ANGPTL1: variants seen among roughly 807,000 people sequenced by gnomAD.
ANGPTL1 encodes angiopoietin like 1.
Under a neutral mutation model 46.7 loss-of-function variants are expected in ANGPTL1, and 36 were observed. The observed-to-expected ratio is 0.77, with a 90% CI of 0.59 to 1.02. ANGPTL1 has a LOEUF of 1.02. Among genes scored for constraint, ANGPTL1 ranks in the 50% least tolerant of loss-of-function variants. ANGPTL1 has a pLI of 0.00. For missense variants in ANGPTL1, 571 were observed against 594.7 expected (o/e 0.96, Z 0.41); for synonymous variants, 221 against 204.3 (o/e 1.08, Z -0.69).
At position 178,851,240 on chromosome 1, in the gene ANGPTL1, G is replaced by A; in HGVS notation, c.1365C>T (p.Tyr455=). ...CAHSNLNGVW[Y]RGGHYRSKHQ... ...GCTTGCTTCTGTAATGGCCTCCTCT[G>A]TACCATACTCCATTTAGGTTAGAAT... The change falls in exon 6 of 6, where the codon TAC becomes TAT. Residue 455 remains tyrosine, a synonymous_variant. Coordinates refer to ENST00000234816, the MANE Select transcript of ANGPTL1 (RefSeq NM_004673.4). 4 of 1,613,912 alleles carry A rather than the reference G, an allele frequency of 2.5e-6. No individual in the cohort carries two copies. The highest frequency in any genetic ancestry group is 3.4e-6 in the Non-Finnish European group (4 of 1,179,904).
At chr1:178,852,281 A>G (rs1657222622) in intron 5 of ANGPTL1, among the ~76,000 whole-genome samples, 1 of 152,056 alleles carries the variant, frequency 6.6e-6, no homozygotes, top group African/African-American at 2.4e-5. Context: ...TTCCCACCTA[A>G]CAAATTGTTT....
In ANGPTL1 at chr1:178,851,149, T is replaced by C; in HGVS notation, c.1456A>G (p.Met486Val). Residue 486 changes from methionine to valine, a missense_variant, in exon 6 of 6, where the codon ATG (methionine) becomes GTG (valine). Coordinates refer to ENST00000234816, the MANE Select transcript of ANGPTL1 (RefSeq NM_004673.4). Reference protein sequence around the residue: ...GSYSLRAVQMMIKPID With the variant: ...GSYSLRAVQMVIKPID ...TCTCTTCAGTCAATAGGCTTGATCA[T>C]CATCTGAACTGCTCTTAAGGAGTAT... is the stretch of plus-strand genomic sequence containing the variant. 6.2e-7 allele frequency: 1 copy of C among 1,613,308 alleles called. No homozygotes were observed. Among genetic ancestry groups the C allele is most frequent in the Non-Finnish European group, 8.5e-7 (1 of 1,179,672 alleles).
chr1:178,850,992 A>T lies in ANGPTL1; in HGVS notation c.*137T>A. 1 of 774,082 alleles carries T rather than the reference A, an allele frequency of 1.3e-6. No homozygotes were observed. Among genetic ancestry groups the T allele is most frequent in the Non-Finnish European group, 1.9e-6 (1 of 532,570 alleles). 48.0% of individuals were successfully genotyped at this position (774,082 alleles called of 1,614,324 possible). ...AAACTACATTTATAGGTTCCCTTTTATAGTTACGGTAAAATTCATTTTAAA... is the reference window on the plus strand; with the variant it reads ...AAACTACATTTATAGGTTCCCTTTTTTAGTTACGGTAAAATTCATTTTAAA... On this transcript the variant is annotated 3_prime_UTR_variant, in exon 6 of 6. Transcript: ENST00000234816.
chr1:178,864,055 G>A (rs1658215829), intron 3 of ANGPTL1, among the ~76,000 whole-genome samples: 1 of 152,118 alleles, frequency 6.6e-6, no homozygotes, highest in South Asian at 2.1e-4. Context: ...AGCTTGTAAA[G>A]GATTCTGGGG....
At chr1:178,864,389 G>A (rs1192700273) in intron 3 of ANGPTL1, among the ~76,000 whole-genome samples, 2 of 152,070 alleles carry the variant, frequency 1.3e-5, no homozygotes, top group Non-Finnish European at 2.9e-5. Context: ...AAGAAGGCAT[G>A]GCTTTTGTAC....
intron 3 of ANGPTL1, among the ~76,000 whole-genome samples, chr1:178,859,832 C>G (rs1480665659): frequency 8.7e-5 from 8 of 91,750 alleles, no homozygotes; most frequent in East Asian, 3.4e-4. Flanking sequence ...CCCCCCCCCC[C>G]CAACCGCCCA....
At chr1:178,862,468 ATAATT>A (rs1658094227) in intron 3 of ANGPTL1, among the ~76,000 whole-genome samples, 1 of 152,180 alleles carries the variant, frequency 6.6e-6, no homozygotes, top group Non-Finnish European at 1.5e-5. Context: ...AAGATAATTG[ATAATT>A]TAAGAGGGAC....
rs914155365 is a variant in ANGPTL1 at position 178,852,568 on chromosome 1, A to C, written c.1288+115T>G. 8.0e-6 allele frequency: 9 copies of C among 1,121,466 alleles called. No homozygotes were observed. The African/African-American group carries it at 1.4e-4, about 18-fold the overall frequency. 69.5% of individuals were successfully genotyped at this position (1,121,466 alleles called of 1,614,324 possible). A position where few individuals can be genotyped will look rare whatever the true frequency, so the allele number is the denominator to read the frequency against. On this transcript the variant is annotated intron_variant, in intron 5 of 5. Transcript: ENST00000234816. ...CAGTAGGTTGGTTGTATTTCCTGCCACAGTGACCAAAACTGACCTTTTTGA... is the reference window on the plus strand; with the variant it reads ...CAGTAGGTTGGTTGTATTTCCTGCCCCAGTGACCAAAACTGACCTTTTTGA...
intron 3 of ANGPTL1, among the ~76,000 whole-genome samples, chr1:178,855,167 G>A (rs959316628): frequency 6.6e-6 from 1 of 151,938 alleles, no homozygotes; most frequent in Non-Finnish European, 1.5e-5. Context: ...TGCCAGATAT[G>A]TACAGTATTC....
intron 3 of ANGPTL1, among the ~76,000 whole-genome samples, chr1:178,856,144 G>A (rs1478403262): frequency 6.9e-6 from 1 of 145,496 alleles, no homozygotes; most frequent in Non-Finnish European, 1.5e-5. Context: ...ACTATAAGGA[G>A]AATAGGATTG....
chr1:178,858,936 A>C (rs1234424481), intron 3 of ANGPTL1, among the ~76,000 whole-genome samples: 3 of 152,188 alleles, frequency 2.0e-5, no homozygotes, highest in Non-Finnish European at 4.4e-5. Context: ...CAGAGCTTTC[A>C]AATTATTGGT....
rs1023424025 is a variant in ANGPTL1, at chr1:178,870,731, T to C, written c.-137+10A>G. 1 of 152,160 alleles carries C rather than the reference T, an allele frequency of 6.6e-6. No homozygotes were observed. Among genetic ancestry groups the C allele is most frequent in the Non-Finnish European group, 1.5e-5 (1 of 68,026 alleles). The allele number at this position is 152,160 out of a possible 1,614,324, so 9.4% of individuals were successfully genotyped here. On this transcript the variant is annotated intron_variant, in intron 1 of 5. Transcript: ENST00000234816. Reference sequence around the variant, plus strand: ...ACATAATATTTTTAAATAAAAGAAATATTAAATACCTTTTTGTGTCTGTTG... The same window carrying C: ...ACATAATATTTTTAAATAAAAGAAACATTAAATACCTTTTTGTGTCTGTTG...
Position 178,852,893 on chromosome 1 carries a change from T to C in ANGPTL1, c.1078A>G (p.Ser360Gly). 3 of 1,613,826 alleles carry C rather than the reference T, an allele frequency of 1.9e-6. No homozygotes were observed. The highest frequency in any genetic ancestry group is 2.5e-6 in the Non-Finnish European group (3 of 1,179,766). The part of the protein sequence containing the change: ...WLGLENIYML[S>G]NQDNYKLLIE... Reference sequence around the variant, plus strand: ...AATAACTTGTAATTATCTTGATTGCTAAGCATATAGATATTTTCCAGTCCA... The same window carrying C: ...AATAACTTGTAATTATCTTGATTGCCAAGCATATAGATATTTTCCAGTCCA... Residue 360 changes from serine to glycine, a missense_variant, in exon 5 of 6, where the codon AGC becomes GGC. Ser to Gly is a moderately conservative substitution (Grantham distance 56). Coordinates refer to ENST00000234816, the MANE Select transcript of ANGPTL1 (RefSeq NM_004673.4).
intron 3 of ANGPTL1, among the ~76,000 whole-genome samples, chr1:178,859,401 C>CTTTTT (rs543947031): frequency 5.7e-5 from 7 of 122,896 alleles, no homozygotes; most frequent in Non-Finnish European, 1.2e-4. Context: ...CCAAGTTTAA[C>CTTTTT]TTTTTTTTTT....
chr1:178,861,495 T>C (rs1234230517), intron 3 of ANGPTL1, among the ~76,000 whole-genome samples: 1 of 151,920 alleles, frequency 6.6e-6, no homozygotes, highest in Non-Finnish European at 1.5e-5. Context: ...AAACATAGAA[T>C]TGGTATGTTT....
chr1:178,851,177 C>G lies in ANGPTL1; in HGVS notation c.1428G>C (p.Gly476=). Residue 476 remains glycine (G), a synonymous_variant, in exon 6 of 6, where the codon GGG becomes GGC. Transcript: ENST00000234816. ...DGIFWAEYRG[G]SYSLRAVQMM... ...TCTGAACTGCTCTTAAGGAGTATGA[C>G]CCGCCTCTGTATTCGGCCCAGAAAA... 1 of 1,613,898 alleles carries G rather than the reference C, an allele frequency of 6.2e-7. No homozygotes were observed. Among genetic ancestry groups the G allele is most frequent in the Non-Finnish European group, 8.5e-7 (1 of 1,179,878 alleles).
intron 2 of ANGPTL1, among the ~76,000 whole-genome samples, chr1:178,868,063 A>G (rs556505084): frequency 7.9e-5 from 12 of 152,132 alleles, no homozygotes; most frequent in East Asian, 1.9e-4. Context: ...CTGTATTTCT[A>G]TCGAGGCCTT....
At chr1:178,866,129 G>A (rs913081811) in intron 2 of ANGPTL1, among the ~76,000 whole-genome samples, 5 of 152,090 alleles carry the variant, frequency 3.3e-5, no homozygotes, top group African/African-American at 4.8e-5. Context: ...AGGCTTTTGA[G>A]ACCCTGATAA....
At chr1:178,868,106 G>T (rs1216178075) in intron 2 of ANGPTL1, among the ~76,000 whole-genome samples, 6 of 151,790 alleles carry the variant, frequency 4.0e-5, no homozygotes, top group African/African-American at 1.2e-4. Context: ...GCACACATGG[G>T]TATTTTTTTT....
Sources: gnomAD v4.1 joint callset for allele counts (sites outside exome capture counted in the v4.1 genomes callset) on GRCh38, gnomAD v4.1.1 for gene constraint, MANE v1.5 for transcripts, NCBI Gene and HGNC (gene_info 2026-07-23, HGNC 2026-07-21) for gene names.